RNGTT: variants seen among roughly 807,000 people sequenced by gnomAD.
The protein encoded by RNGTT is RNA guanylyltransferase and 5'-phosphatase, also known as mRNA-capping enzyme.
A neutral mutation model predicts 79.3 loss-of-function variants in RNGTT; 33 were observed. The ratio of observed to expected loss-of-function variants is 0.42; its 90% CI spans 0.32 to 0.56. RNGTT has a LOEUF of 0.56. Ranked by LOEUF, RNGTT falls within the 20% of genes least tolerant of loss-of-function variation. The pLI is 0.17. For missense variants in RNGTT, 497 were observed against 739.1 expected (o/e 0.67, Z 3.80); for synonymous variants, 222 against 235.9 (o/e 0.94, Z 0.54).
chr6:88,835,453 A>G (rs945231746), intron 11 of RNGTT, among the ~76,000 whole-genome samples: 1 of 152,224 alleles, frequency 6.6e-6, no homozygotes, highest in Admixed American at 6.5e-5. Context: ...AAATTTGTCA[A>G]AGAAGAGAAT....
At chr6:88,740,984 G>A (rs1165784666) in intron 13 of RNGTT, among the ~76,000 whole-genome samples, 3 of 152,168 alleles carry the variant, frequency 2.0e-5, no homozygotes, top group East Asian at 1.9e-4. Flanking sequence ...TGGAACACTT[G>A]TACACTGTTG....
intron 4 of RNGTT, among the ~76,000 whole-genome samples, chr6:88,928,247 A>C (rs1257742582): frequency 6.6e-6 from 1 of 152,324 alleles, no homozygotes; most frequent in East Asian, 1.9e-4. Context: ...AATTAAATTT[A>C]AAACCAAACC....
intron 11 of RNGTT, among the ~76,000 whole-genome samples, chr6:88,813,640 C>T (rs1201644870): frequency 2.6e-5 from 4 of 152,158 alleles, no homozygotes; most frequent in Non-Finnish European, 4.4e-5. Context: ...AAGTTAAGAA[C>T]TTGCCTAAGG....
At chr6:88,796,560 C>G (rs377273615) in intron 12 of RNGTT, among the ~76,000 whole-genome samples, 2 of 152,056 alleles carry the variant, frequency 1.3e-5, no homozygotes, top group East Asian at 3.8e-4. Context: ...TTGGTTGTCC[C>G]TAGTAGAAAT....
chr6:88,826,823 TG>T (rs1196862274), intron 11 of RNGTT, among the ~76,000 whole-genome samples: 2 of 80,948 alleles, frequency 2.5e-5, no homozygotes, highest in African/African-American at 1.0e-4. Flanking sequence ...TATATGTGTG[TG>T]TATATATATA....
chr6:88,827,479 C>T (rs936435113), intron 11 of RNGTT, among the ~76,000 whole-genome samples: 3 of 152,158 alleles, frequency 2.0e-5, no homozygotes, highest in Non-Finnish European at 2.9e-5. Flanking sequence ...GGGCAGACAC[C>T]GAGCTAGCTG....
chr6:88,883,658 C>G (rs553240695), intron 8 of RNGTT, among the ~76,000 whole-genome samples: 1 of 152,026 alleles, frequency 6.6e-6, no homozygotes, highest in Non-Finnish European at 1.5e-5. Context: ...TTTAAAAAGT[C>G]TTCCAGATTA....
intron 11 of RNGTT, among the ~76,000 whole-genome samples, chr6:88,810,564 AAGAG>A (rs1434605825): frequency 6.6e-6 from 1 of 152,192 alleles, no homozygotes; most frequent in African/African-American, 2.4e-5. Context: ...AAAAGTCAAA[AAGAG>A]AGTCTCAATG....
chr6:88,836,511 G>A (rs533575513), intron 11 of RNGTT, among the ~76,000 whole-genome samples: 97 of 152,224 alleles, frequency 6.4e-4, no homozygotes, highest in African/African-American at 2.2e-3. Flanking sequence ...GGAGGTCAAG[G>A]TGGGCAGACT....
intron 13 of RNGTT, among the ~76,000 whole-genome samples, chr6:88,680,405 G>C (rs1329088277): frequency 6.6e-6 from 1 of 152,096 alleles, no homozygotes; most frequent in Non-Finnish European, 1.5e-5. Context: ...AAATAAGGTA[G>C]ATATTTAGTC....
At chr6:88,772,749 G>A (rs1033323290) in intron 12 of RNGTT, among the ~76,000 whole-genome samples, 2 of 151,814 alleles carry the variant, frequency 1.3e-5, no homozygotes, top group African/African-American at 4.8e-5. Flanking sequence ...TCAGAGAAAT[G>A]CAAATCAAAA....
At position 88,788,628 on chromosome 6, in the gene RNGTT, G is replaced by A. The variant is rs140649412; in HGVS notation, c.1338+12936C>T. Among the ~76,000 whole-genome samples, 189 of 152,286 alleles carry A rather than the reference G, an allele frequency of 1.2e-3. 2 individuals are homozygous for A. The highest frequency in any genetic ancestry group is 4.5e-3 in the African/African-American group (188 of 41,562). ...GTAATATTAGTAAATCAGCAGCACTGCAATGGAAACAGAATGCTGACCTAG... is the reference window on the plus strand; with the variant it reads ...GTAATATTAGTAAATCAGCAGCACTACAATGGAAACAGAATGCTGACCTAG... On this transcript the variant is annotated intron_variant, in intron 12 of 15. Transcript: ENST00000369485.
At chr6:88,710,177 T>C (rs568389223) in intron 13 of RNGTT, among the ~76,000 whole-genome samples, 61 of 152,292 alleles carry the variant, frequency 4.0e-4, no homozygotes, top group Non-Finnish European at 7.4e-4. Flanking sequence ...GGAGGATCCC[T>C]GGGCAACATA....
At chr6:88,864,458 C>T (rs1782106910) in intron 8 of RNGTT, among the ~76,000 whole-genome samples, 1 of 152,052 alleles carries the variant, frequency 6.6e-6, no homozygotes, top group Admixed American at 6.6e-5. Flanking sequence ...TATCTGTAGG[C>T]AAAAGAGAAG....
At chr6:88,779,764 G>A (rs1481360312) in intron 12 of RNGTT, among the ~76,000 whole-genome samples, 4 of 152,274 alleles carry the variant, frequency 2.6e-5, no homozygotes, top group Admixed American at 1.3e-4. Context: ...AAGCCAAGGC[G>A]GGCAGATCAC....
At chr6:88,719,878 C>T (rs1227832685) in intron 13 of RNGTT, among the ~76,000 whole-genome samples, 1 of 152,142 alleles carries the variant, frequency 6.6e-6, no homozygotes, top group Non-Finnish European at 1.5e-5. Flanking sequence ...TCTTACTTTA[C>T]ATATGAAGAA....
chr6:88,905,708 G>C (rs941672367), intron 5 of RNGTT, among the ~76,000 whole-genome samples: 1 of 152,058 alleles, frequency 6.6e-6, no homozygotes, highest in Non-Finnish European at 1.5e-5. Flanking sequence ...GGCTTAAATG[G>C]AGTAACACTC....
At chr6:88,779,248 T>C (rs1477718846) in intron 12 of RNGTT, among the ~76,000 whole-genome samples, 2 of 152,168 alleles carry the variant, frequency 1.3e-5, no homozygotes, top group Non-Finnish European at 2.9e-5. Flanking sequence ...CCCACCGCAT[T>C]TGCAACCTCT....
chr6:88,706,207 A>G (rs1413852508), intron 13 of RNGTT, among the ~76,000 whole-genome samples: 1 of 152,128 alleles, frequency 6.6e-6, no homozygotes, highest in Non-Finnish European at 1.5e-5. Context: ...CAATGAGATA[A>G]GTATGTCATC....
Sources: gnomAD v4.1 joint callset for allele counts (sites outside exome capture counted in the v4.1 genomes callset) on GRCh38, gnomAD v4.1.1 for gene constraint, MANE v1.5 for transcripts, NCBI Gene and HGNC (gene_info 2026-07-23, HGNC 2026-07-21) for gene names.